The following MALRD1 variants were observed in gnomAD, a reference collection of about 807,000 sequenced individuals.
MALRD1 encodes the protein MAM and LDL receptor class A domain containing 1, also known as MAM and LDL-receptor class A domain-containing protein 1.
A neutral mutation model predicts 242.1 loss-of-function variants in MALRD1; 247 were observed. The ratio of observed to expected loss-of-function variants is 1.02; its 90% CI spans 0.92 to 1.13. MALRD1 has a LOEUF of 1.13. Ranked by LOEUF, MALRD1 falls within the 50% of genes most tolerant of loss-of-function variation. The pLI is 0.00. For synonymous variants in MALRD1, 995 were observed against 866.6 expected, an observed-to-expected ratio of 1.15 and a Z score of -2.60; for missense variants, 2,989 against 2,533.1, an observed-to-expected ratio of 1.18 and a Z score of -3.86.
intron 31 of MALRD1, among the ~76,000 whole-genome samples, chr10:19,522,803 T>G (rs1691327189): frequency 6.6e-6 from 1 of 152,154 alleles, no homozygotes; most frequent in Non-Finnish European, 1.5e-5. Context: ...GGCTTTTAAC[T>G]CAGGCAGTTT....
At chr10:19,285,100 T>G (rs1357152011) in intron 21 of MALRD1, among the ~76,000 whole-genome samples, 1 of 136,336 alleles carries the variant, frequency 7.3e-6, no homozygotes. Flanking sequence ...GTTGGGGTTG[T>G]TTGTTTTTTT....
chr10:19,378,174 A>G (rs7898123), intron 26 of MALRD1, among the ~76,000 whole-genome samples: 88,892 of 151,942 alleles, frequency 0.59, 26,209 homozygotes, highest in Middle Eastern at 0.62. Context: ...CTACCTCTCT[A>G]TCTTGAACTA....
chr10:19,298,905 C>A (rs975356012), intron 21 of MALRD1, among the ~76,000 whole-genome samples: 1 of 151,802 alleles, frequency 6.6e-6, no homozygotes, highest in South Asian at 2.1e-4. Flanking sequence ...AAATCCTTTG[C>A]GTAGTTCCAG....
intron 31 of MALRD1, among the ~76,000 whole-genome samples, chr10:19,518,137 A>G (rs1478832055): frequency 6.6e-6 from 1 of 152,180 alleles, no homozygotes; most frequent in Non-Finnish European, 1.5e-5. Flanking sequence ...TGGCTGAAAC[A>G]CAGCTGCTTA....
intron 28 of MALRD1, among the ~76,000 whole-genome samples, chr10:19,439,552 G>GGT (rs1834517268): frequency 1.3e-5 from 2 of 151,566 alleles, no homozygotes; most frequent in African/African-American, 2.4e-5. Context: ...AAAAAGTGGG[G>GGT]GATAAATATT....
chr10:19,679,541 T>G (rs1237596597), intron 36 of MALRD1, among the ~76,000 whole-genome samples: 1 of 152,150 alleles, frequency 6.6e-6, no homozygotes, highest in African/African-American at 2.4e-5. Flanking sequence ...ATTTAATTCT[T>G]CTCTCTTTTC....
intron 10 of MALRD1, among the ~76,000 whole-genome samples, chr10:19,141,846 C>T (rs1287413613): frequency 6.6e-6 from 1 of 151,890 alleles, no homozygotes; most frequent in Non-Finnish European, 1.5e-5. Flanking sequence ...TTAATTTTTA[C>T]TGTGATATTG....
At chr10:19,348,248 G>T (rs1354451138) in intron 25 of MALRD1, among the ~76,000 whole-genome samples, 1 of 151,946 alleles carries the variant, frequency 6.6e-6, no homozygotes, top group South Asian at 2.1e-4. Flanking sequence ...AGATACTGAA[G>T]TTTGGGAAAC....
chr10:19,149,567 GTTGT>G (rs1325942118), intron 11 of MALRD1, among the ~76,000 whole-genome samples: 13 of 152,132 alleles, frequency 8.5e-5, no homozygotes, highest in Admixed American at 4.6e-4. Flanking sequence ...TGTTTCTGTG[GTTGT>G]TTGTTTTTTA....
chr10:19,238,526 A>C (rs1431420811), intron 18 of MALRD1, among the ~76,000 whole-genome samples: 1 of 89,170 alleles, frequency 1.1e-5, no homozygotes, highest in Non-Finnish European at 2.1e-5. Flanking sequence ...TATTATATAT[A>C]ATATACATTA....
At chr10:19,107,565 C>CTTTTTTTTTTTTTTT (rs201379420) in intron 5 of MALRD1, among the ~76,000 whole-genome samples, 2 of 132,302 alleles carry the variant, frequency 1.5e-5, no homozygotes, top group Non-Finnish European at 3.3e-5. Context: ...ATAATTTGGT[C>CTTTTTTTTTTTTTTT]TTTTTTTTTT....
intron 36 of MALRD1, among the ~76,000 whole-genome samples, chr10:19,630,148 A>G (rs1589331353): frequency 6.6e-6 from 1 of 152,220 alleles, no homozygotes; most frequent in African/African-American, 2.4e-5. Flanking sequence ...AAAAAGACTT[A>G]TTTTCCTTAT....
At chr10:19,146,151 C>T in intron 10 of MALRD1, 47 bp from the exon 11 acceptor site, 7 of 1,223,434 alleles carry the variant, frequency 5.7e-6, no homozygotes, top group Non-Finnish European at 7.1e-6. Flanking sequence ...TGTTTGCCTG[C>T]ATGCTCTTCA....
intron 31 of MALRD1, among the ~76,000 whole-genome samples, chr10:19,506,856 G>A (rs1833166742): frequency 6.6e-6 from 1 of 152,116 alleles, no homozygotes; most frequent in South Asian, 2.1e-4. Context: ...GATGGACCAT[G>A]TGTATTAGGC....
intron 32 of MALRD1, among the ~76,000 whole-genome samples, chr10:19,536,563 C>T (rs1834684388): frequency 6.6e-6 from 1 of 151,884 alleles, no homozygotes; most frequent in African/African-American, 2.4e-5. Flanking sequence ...CCCTATCTCT[C>T]TATATTAAAC....
intron 19 of MALRD1, among the ~76,000 whole-genome samples, chr10:19,258,482 T>C (rs552080595): frequency 1.3e-5 from 2 of 152,270 alleles, no homozygotes; most frequent in East Asian, 3.9e-4. Flanking sequence ...AGAGGGAACA[T>C]GATCTCCTCC....
chr10:19,708,728 C>T (rs1478305896), intron 38 of MALRD1, among the ~76,000 whole-genome samples: 1 of 122,512 alleles, frequency 8.2e-6, no homozygotes, highest in East Asian at 2.5e-4. Flanking sequence ...GAGGCACGAT[C>T]TCGGCTCACC....
At chr10:19,293,503 A>G (rs956475563) in intron 21 of MALRD1, among the ~76,000 whole-genome samples, 1 of 152,242 alleles carries the variant, frequency 6.6e-6, no homozygotes, top group Non-Finnish European at 1.5e-5. Context: ...GTTGTGCGCA[A>G]GTAAATTAAA....
chr10:19,138,281 GTTTC>G (rs529539531), intron 10 of MALRD1, among the ~76,000 whole-genome samples: 39 of 152,164 alleles, frequency 2.6e-4, no homozygotes, highest in African/African-American at 8.9e-4. Flanking sequence ...TGTATGTGAA[GTTTC>G]TTTCTATGTT....
Sources: gnomAD v4.1 joint callset for allele counts (sites outside exome capture counted in the v4.1 genomes callset) on GRCh38, gnomAD v4.1.1 for gene constraint, MANE v1.5 for transcripts, NCBI Gene and HGNC (gene_info 2026-07-23, HGNC 2026-07-21) for gene names.